HPX: variants seen among roughly 807,000 people sequenced by gnomAD.
HPX encodes hemopexin, also known as beta-1B-glycoprotein.
A neutral mutation model predicts 53.8 loss-of-function variants in HPX; 42 were observed. The ratio of observed to expected loss-of-function variants is 0.78; its 90% CI spans 0.61 to 1.01. The LOEUF (loss-of-function observed/expected upper bound fraction) is 1.01, where lower values mean the gene tolerates loss of function less well. Ranked by LOEUF, HPX falls within the 50% of genes least tolerant of loss-of-function variation. The probability of loss-of-function intolerance (pLI) is 0.00; values close to 1 mark genes in which losing one functional copy is unlikely to be tolerated. For synonymous variants in HPX, 229 were observed against 221.1 expected (o/e 1.04, Z -0.32); for missense variants, 547 against 594.3 (o/e 0.92, Z 0.83).
At chr11:6,433,272 G>A (rs372268569) in intron 7 of HPX, among the ~76,000 whole-genome samples, 39 of 152,304 alleles carry the variant, frequency 2.6e-4, no homozygotes, top group African/African-American at 8.9e-4. Flanking sequence ...CACCTCCCAG[G>A]TTCAAGCGAT....
intron 4 of HPX, chr11:6,439,919 T>C: frequency 1.9e-6 from 1 of 536,232 alleles, no homozygotes; most frequent in Non-Finnish European, 3.4e-6. Context: ...TGGCCAGCAG[T>C]GTGAGGTACA....
rs1849430148 is a variant in HPX, at chr11:6,437,477, C to T, written c.666G>A (p.Arg222=). 2 of 1,613,964 alleles carry T rather than the reference C, an allele frequency of 1.2e-6. No individual in the cohort carries two copies. The highest frequency in any genetic ancestry group is 1.7e-6 in the Non-Finnish European group (2 of 1,180,020). ...AGGGCATGAAGTAGTCTCGGACATC[C>T]CGCGGGTACCTGGGAGGCACCTCTC... ...VRGEVPPRYP[R]DVRDYFMPCP... The change falls in exon 6 of 10, where the codon CGG becomes CGA. Residue 222 remains arginine, a synonymous_variant. Transcript: ENST00000265983.
At chr11:6,437,263 T>A (rs1849428456) in intron 6 of HPX, 86 bp from the exon 7 acceptor site, 1 of 1,497,930 alleles carries the variant, frequency 6.7e-7, no homozygotes, top group African/African-American at 1.4e-5. Context: ...CTGGGGTTAG[T>A]GGGGTGTGGG....
chr11:6,433,657 A>C (rs1221453687), intron 7 of HPX, among the ~76,000 whole-genome samples: 1 of 152,192 alleles, frequency 6.6e-6, no homozygotes, highest in African/African-American at 2.4e-5. Context: ...TATGTTCTGC[A>C]AAAAGTCAGA....
Position 6,431,273 on chromosome 11 carries a change from T to C in HPX, c.1327A>G (p.Asn443Asp), listed in dbSNP as rs568086471. The C allele has an allele frequency of 5.6e-6, 9 of 1,614,218 alleles. No individual in the cohort carries two copies. In the South Asian group the frequency reaches 8.8e-5, roughly 16 times the overall value. The change falls in exon 10 of 10, where the codon AAT (asparagine) becomes GAT (aspartate). Residue 443 changes from asparagine (N) to aspartate (D), a missense_variant. Asn to Asp is a conservative substitution (Grantham distance 23, BLOSUM62 1). Coordinates refer to ENST00000265983, the MANE Select transcript of HPX (RefSeq NM_000613.3). Reference protein sequence around the residue: ...LYCYSDVEKLNAAKALPQPQN... With the variant: ...LYCYSDVEKLDAAKALPQPQN... ...GGTTGCGGAAGGGCCTTGGCTGCAT[T>C]CAGTTTCTCCACATCACTGTAGCAG...
intron 4 of HPX, 77 bp downstream of exon 4, chr11:6,440,088 A>G: frequency 6.3e-7 from 1 of 1,590,752 alleles, no homozygotes; most frequent in Non-Finnish European, 8.6e-7. Flanking sequence ...GCTCCATGCC[A>G]AGGCCATTTG....
In HPX at chr11:6,435,348, C is replaced by T. The variant is rs2134134164; in HGVS notation, c.835+1698G>A. Among the ~76,000 whole-genome samples, 2 of 152,088 alleles carry T rather than the reference C, an allele frequency of 1.3e-5. 1 individual carries two copies. The highest frequency in any genetic ancestry group is 4.2e-4 in the South Asian group (2 of 4,794). On this transcript the variant is annotated intron_variant, in intron 7 of 9. Transcript: ENST00000265983. ...TTTACCAGTGAGAGGGGAGGGACTG[C>T]CCCATGCTGTAGCTGGGTCATGTTG...
rs1590802495 is a variant in HPX, at chr11:6,431,098, G to A, written c.*113C>T. The A allele has an allele frequency of 7.1e-7, 1 of 1,416,804 alleles. No individual in the cohort carries two copies. The highest frequency in any genetic ancestry group is 9.5e-7 in the Non-Finnish European group (1 of 1,050,264). The allele number at this position is 1,416,804 out of a possible 1,614,324, so 87.8% of individuals were successfully genotyped here. On this transcript the variant is annotated 3_prime_UTR_variant, in exon 10 of 10. Transcript: ENST00000265983. ...TTATTATGAGAAACTGGGGAGGTGG[G>A]GCCAGGCCAGACTCATGTCAGAAGG...
intron 6 of HPX, 95 bp from the exon 7 acceptor site, chr11:6,437,272 G>A: frequency 6.1e-6 from 9 of 1,474,440 alleles, no homozygotes; most frequent in Non-Finnish European, 8.3e-6. Flanking sequence ...GTGGGGTGTG[G>A]GTTTCCCCAT....
At chr11:6,439,812 G>A in intron 4 of HPX, 1 of 350,132 alleles carries the variant, frequency 2.9e-6, no homozygotes, top group Non-Finnish European at 5.6e-6. Flanking sequence ...TTCTAGCCAG[G>A]TGCCATTGTG....
chr11:6,438,212 A>T (rs964910622), intron 5 of HPX, 144 bp downstream of exon 5: 2 of 792,258 alleles, frequency 2.5e-6, no homozygotes, highest in Non-Finnish European at 4.2e-6. Context: ...TGACCTCTAG[A>T]CCATACGTGG....
At chr11:6,433,453 A>G (rs1849377084) in intron 7 of HPX, among the ~76,000 whole-genome samples, 1 of 152,238 alleles carries the variant, frequency 6.6e-6, no homozygotes, top group South Asian at 2.1e-4. Flanking sequence ...CTAGGATTAC[A>G]GGCGTAAGCC....
At chr11:6,432,546 A>G (rs1026049880) in intron 7 of HPX, among the ~76,000 whole-genome samples, 1 of 151,958 alleles carries the variant, frequency 6.6e-6, no homozygotes, top group Non-Finnish European at 1.5e-5. Context: ...TTTTTCCTCA[A>G]TCCTCTTCAA....
At chr11:6,438,231 T>A in intron 5 of HPX, 125 bp downstream of exon 5, 1 of 995,630 alleles carries the variant, frequency 1.0e-6, no homozygotes, top group Admixed American at 2.2e-5. Flanking sequence ...GGCTTCTCTA[T>A]TTCCCTTCCT....
chr11:6,433,424 G>T (rs1034042975), intron 7 of HPX, among the ~76,000 whole-genome samples: 3 of 151,914 alleles, frequency 2.0e-5, no homozygotes, highest in Non-Finnish European at 2.9e-5. Flanking sequence ...TGATCCACTC[G>T]CCTTGGCCTC....
chr11:6,431,877 C>G lies in HPX; in HGVS notation c.966+10G>C, dbSNP rs1017249494. The stretch of plus-strand genomic sequence containing the variant: ...CAGTCTCTACCTCAAGCCTCTCCCC[C>G]AATACACACCTGGACCAGATAGAGT... On this transcript the variant is annotated intron_variant, in intron 8 of 9. Transcript: ENST00000265983. The G allele has an allele frequency of 1.2e-6, 2 of 1,614,012 alleles. No individual in the cohort carries two copies. Among genetic ancestry groups the G allele is most frequent in the East Asian group, 2.2e-5 (1 of 44,898 alleles).
intron 9 of HPX, 71 bp downstream of exon 9, chr11:6,431,569 GC>G: frequency 1.2e-6 from 2 of 1,606,302 alleles, no homozygotes; most frequent in Non-Finnish European, 1.7e-6. Flanking sequence ...GCCTTCTCAT[GC>G]CCTGGTGGGG....
At chr11:6,432,101 A>C in intron 7 of HPX, 84 bp from the exon 8 acceptor site, 1 of 1,516,302 alleles carries the variant, frequency 6.6e-7, no homozygotes, top group African/African-American at 1.4e-5. Context: ...GAAATGAGTC[A>C]TGAGAGGGAG....
rs1006628965 is a variant in HPX at position 6,431,603 on chromosome 11, A to G, written c.1129+38T>C. The G allele has an allele frequency of 3.7e-6, 6 of 1,611,066 alleles. No individual in the cohort carries two copies. In the African/African-American group the frequency reaches 6.7e-5, roughly 18 times the overall value. On this transcript the variant is annotated intron_variant, in intron 9 of 9. Coordinates refer to ENST00000265983, the MANE Select transcript of HPX (RefSeq NM_000613.3). ...GGGATCTATGCCACAGACAGGTAGC[A>G]GAACAAGCTGCCCTCTAAGCACCCA...
Sources: gnomAD v4.1 joint callset for allele counts (sites outside exome capture counted in the v4.1 genomes callset) on GRCh38, gnomAD v4.1.1 for gene constraint, MANE v1.5 for transcripts, NCBI Gene and HGNC (gene_info 2026-07-23, HGNC 2026-07-21) for gene names.